The following TTC39C variants were observed in gnomAD, a reference collection of about 807,000 sequenced individuals.
TTC39C encodes the protein tetratricopeptide repeat protein 39C.
A neutral mutation model predicts 76.3 loss-of-function variants in TTC39C; 33 were observed. The observed-to-expected ratio is 0.43, with a 90% CI of 0.33 to 0.58. The LOEUF (loss-of-function observed/expected upper bound fraction) is 0.58. TTC39C is among the 20% of genes least tolerant of loss of function. TTC39C has a pLI of 0.04. For synonymous variants in TTC39C, 254 were observed against 260.6 expected, an observed-to-expected ratio of 0.97 and a Z score of 0.24; for missense variants, 595 against 701.4, an observed-to-expected ratio of 0.85 and a Z score of 1.71.
intron 7 of TTC39C, chr18:24,114,865 A>G (rs984169811): frequency 2.2e-4 from 98 of 451,282 alleles, no homozygotes; most frequent in Non-Finnish European, 1.9e-4. Flanking sequence ...TTTTTAGGAT[A>G]ATAGGTGATG....
intron 1 of TTC39C, among the ~76,000 whole-genome samples, chr18:24,040,073 CTT>C (rs1370520747): frequency 6.6e-6 from 1 of 152,160 alleles, no homozygotes; most frequent in East Asian, 1.9e-4. Context: ...TGAAAAAAGA[CTT>C]GAAGTAGCTG....
intron 8 of TTC39C, among the ~76,000 whole-genome samples, chr18:24,120,617 G>GT (rs1276087807): frequency 6.6e-6 from 1 of 152,142 alleles, no homozygotes; most frequent in African/African-American, 2.4e-5. Context: ...CGCTCAGATT[G>GT]TTTTGCAAAC....
At chr18:24,050,628 T>A (rs541201266) in intron 1 of TTC39C, among the ~76,000 whole-genome samples, 2 of 151,380 alleles carry the variant, frequency 1.3e-5, no homozygotes, top group East Asian at 3.9e-4. Flanking sequence ...TCCCAGCCCT[T>A]TGGGAGGCTG....
intron 6 of TTC39C, among the ~76,000 whole-genome samples, chr18:24,086,516 C>A (rs1407447750): frequency 3.9e-5 from 6 of 152,158 alleles, no homozygotes; most frequent in African/African-American, 1.4e-4. Context: ...CTTGCATAAA[C>A]CTCATTGTGG....
chr18:24,037,538 C>A (rs184864690), intron 1 of TTC39C, among the ~76,000 whole-genome samples: 5 of 152,142 alleles, frequency 3.3e-5, no homozygotes, highest in Admixed American at 6.5e-5. Flanking sequence ...ATTTGTCTGG[C>A]GTATTGGAGA....
At chr18:24,057,578 G>A (rs1487210208) in intron 1 of TTC39C, among the ~76,000 whole-genome samples, 1 of 152,168 alleles carries the variant, frequency 6.6e-6, no homozygotes, top group Admixed American at 6.5e-5. Context: ...ACTCTTTTGT[G>A]TCTAGCTTCT....
intron 6 of TTC39C, among the ~76,000 whole-genome samples, chr18:24,092,574 A>G (rs1312897288): frequency 1.3e-5 from 2 of 152,222 alleles, no homozygotes; most frequent in African/African-American, 4.8e-5. Context: ...GTACAGATAC[A>G]TACTATAGCA....
Position 24,130,265 on chromosome 18 carries a change from G to A in TTC39C, c.1519-48G>A, listed in dbSNP as rs552705640. Reference sequence around the variant, plus strand: ...TCTTGAAGATTATAATAAGCCTTATGCTAAGTAGGAAAATGAATTCATCCA... The same window carrying A: ...TCTTGAAGATTATAATAAGCCTTATACTAAGTAGGAAAATGAATTCATCCA... On this transcript the variant is annotated intron_variant, in intron 11 of 13. Coordinates refer to ENST00000317571, the MANE Select transcript of TTC39C (RefSeq NM_001135993.2). 32 of 1,024,316 alleles carry A rather than the reference G, an allele frequency of 3.1e-5. 1 individual carries two copies. In the South Asian group the frequency reaches 3.8e-4, roughly 12 times the overall value. The allele number at this position is 1,024,316 out of a possible 1,614,324, so 63.5% of individuals were successfully genotyped here. A position where few individuals can be genotyped will look rare whatever the true frequency, so the allele number is the denominator to read the frequency against.
chr18:24,015,049 C>G lies in TTC39C; in HGVS notation c.167+11C>G. On this transcript the variant is annotated intron_variant, in intron 1 of 13. Transcript: ENST00000317571. ...TTTCAAACAATACAGGTGACCCACG[C>G]GTCCCCGATTCCCCAACCCTGCAGC... The G allele has an allele frequency of 7.0e-7, 1 of 1,423,210 alleles. No homozygotes were observed. Among genetic ancestry groups the G allele is most frequent in the South Asian group, 1.5e-5 (1 of 67,974 alleles). The allele number at this position is 1,423,210 out of a possible 1,614,324, so 88.2% of individuals were successfully genotyped here. A position where few individuals can be genotyped will look rare whatever the true frequency, so the allele number is the denominator to read the frequency against.
chr18:24,094,770 G>A (rs1331491948), intron 6 of TTC39C, among the ~76,000 whole-genome samples: 3 of 152,220 alleles, frequency 2.0e-5, no homozygotes, highest in African/African-American at 4.8e-5. Context: ...ATAAACAGAT[G>A]TGCTGTCATT....
At chr18:24,101,305 T>TAAAAAAAAA (rs35978012) in intron 6 of TTC39C, among the ~76,000 whole-genome samples, 1 of 139,454 alleles carries the variant, frequency 7.2e-6, no homozygotes, top group Admixed American at 7.1e-5. Context: ...TAATTTTTCA[T>TAAAAAAAAA]AAAAAAAAAA....
chr18:24,028,706 ATATTTT>A (rs1280096070), intron 1 of TTC39C, among the ~76,000 whole-genome samples: 3 of 152,106 alleles, frequency 2.0e-5, no homozygotes. Context: ...GAAGTCTGTA[ATATTTT>A]TATTTTTATT....
intron 1 of TTC39C, among the ~76,000 whole-genome samples, chr18:24,025,679 A>G (rs569752628): frequency 6.6e-6 from 1 of 152,244 alleles, no homozygotes; most frequent in African/African-American, 2.4e-5. Flanking sequence ...TACAGTCATC[A>G]TGTCACCCCA....
chr18:24,083,180 G>T, intron 6 of TTC39C, 99 bp downstream of exon 6: 1 of 1,216,910 alleles, frequency 8.2e-7, no homozygotes, highest in South Asian at 1.9e-5. Flanking sequence ...GAATGTCCCA[G>T]GGCCCCGGAG....
Position 24,114,548 on chromosome 18 carries a change from C to A in TTC39C, c.985-6C>A. 1 of 1,611,088 alleles carries A rather than the reference C, an allele frequency of 6.2e-7. No individual in the cohort carries two copies. The highest frequency in any genetic ancestry group is 1.1e-5 in the South Asian group (1 of 90,950). On this transcript the variant is annotated splice_polypyrimidine_tract_variant and splice_region_variant and intron_variant, in intron 6 of 13. Transcript: ENST00000317571. ...GCTGGTAATTCTGTTTTCCTTTTCTCCTTAGTGTCAAATCAACAGTGCCTT... is the reference window on the plus strand; with the variant it reads ...GCTGGTAATTCTGTTTTCCTTTTCTACTTAGTGTCAAATCAACAGTGCCTT...
intron 1 of TTC39C, among the ~76,000 whole-genome samples, chr18:24,044,455 G>A (rs756151070): frequency 3.3e-5 from 5 of 152,212 alleles, no homozygotes; most frequent in Non-Finnish European, 5.9e-5. Flanking sequence ...CCAGTGGCAT[G>A]GTGAAGTGTC....
intron 1 of TTC39C, among the ~76,000 whole-genome samples, chr18:24,007,718 G>C (rs1599227649): frequency 6.6e-6 from 1 of 152,276 alleles, no homozygotes; most frequent in South Asian, 2.1e-4. Flanking sequence ...AAGAAAATCT[G>C]TACTTCTTCC....
rs1171792884 is a variant in TTC39C at position 24,048,135 on chromosome 18, T to C, written c.168-16005T>C. On this transcript the variant is annotated intron_variant, in intron 1 of 13. Transcript: ENST00000317571. ...TGTTATACGTAGGTTTTATCTATTATATGTATGATTTTTGTGGTCTAATAG... is the reference window on the plus strand; with the variant it reads ...TGTTATACGTAGGTTTTATCTATTACATGTATGATTTTTGTGGTCTAATAG... 2.0e-5 allele frequency among the ~76,000 whole-genome samples: 3 copies of C among 152,214 alleles called. No homozygotes were observed. The East Asian group carries it at 5.8e-4, about 29-fold the overall frequency.
chr18:24,015,554 T>TA (rs112682304), intron 1 of TTC39C, among the ~76,000 whole-genome samples: 3,648 of 152,364 alleles, frequency 0.024, 144 homozygotes, highest in African/African-American at 0.084. Context: ...TGAAAACAGA[T>TA]ACGCACAATT....
Sources: gnomAD v4.1 joint callset for allele counts (sites outside exome capture counted in the v4.1 genomes callset) on GRCh38, gnomAD v4.1.1 for gene constraint, MANE v1.5 for transcripts, NCBI Gene and HGNC (gene_info 2026-07-23, HGNC 2026-07-21) for gene names.